The following CCDC25 variants were observed in gnomAD, a reference collection of about 807,000 sequenced individuals.
The protein encoded by CCDC25 is coiled-coil domain-containing protein 25.
In CCDC25, 16 loss-of-function variants were observed where a neutral mutation model predicts 35.3. The ratio of observed to expected loss-of-function variants is 0.45; its 90% CI spans 0.31 to 0.69. The LOEUF (loss-of-function observed/expected upper bound fraction) is 0.69. Ranked by LOEUF, CCDC25 falls within the 30% of genes least tolerant of loss-of-function variation. CCDC25 has a pLI of 0.06. For missense variants in CCDC25, 179 were observed against 250.7 expected, an observed-to-expected ratio of 0.71 and a Z score of 1.93; for synonymous variants, 79 against 80.3, an observed-to-expected ratio of 0.98 and a Z score of 0.09.
At chr8:27,771,639 C>A (rs1213782271) in intron 1 of CCDC25, among the ~76,000 whole-genome samples, 1 of 152,042 alleles carries the variant, frequency 6.6e-6, no homozygotes, top group African/African-American at 2.4e-5. Context: ...CTGTCCACGC[C>A]CTCAAGGGAC....
At chr8:27,755,348 C>G (rs1803962124) in intron 4 of CCDC25, among the ~76,000 whole-genome samples, 1 of 152,192 alleles carries the variant, frequency 6.6e-6, no homozygotes, top group African/African-American at 2.4e-5. Flanking sequence ...GAAGCTGCAA[C>G]AATATCAGAG....
intron 3 of CCDC25, 117 bp downstream of exon 3, chr8:27,762,302 T>C: frequency 1.2e-6 from 1 of 833,960 alleles, no homozygotes. Flanking sequence ...CAGTCAGCTG[T>C]TTAACCCTGA....
intron 5 of CCDC25, among the ~76,000 whole-genome samples, chr8:27,751,950 C>A (rs756325474): frequency 2.6e-5 from 4 of 152,080 alleles, no homozygotes; most frequent in Non-Finnish European, 5.9e-5. Context: ...TGGGAATCAC[C>A]CCAGACAAAC....
At position 27,748,098 on chromosome 8, in the gene CCDC25, T is replaced by G; in HGVS notation, c.530A>C (p.Lys177Thr). The change falls in exon 7 of 9, where the codon AAG becomes ACG. Residue 177 changes from lysine (K) to threonine (T), a missense_variant. Lys to Thr is a moderately conservative substitution (Grantham distance 78). Coordinates refer to ENST00000356537, the MANE Select transcript of CCDC25 (RefSeq NM_018246.3). ...ATACCTAAGTTCATCCATTTCCCTC[T>G]TCTTCTTCATTTCTTCTTTTTCTCT... Reference protein sequence around the residue: ...KKREKEEMKKKREMDELRSYS... With the variant: ...KKREKEEMKKTREMDELRSYS... 1 of 1,612,026 alleles carries G rather than the reference T, an allele frequency of 6.2e-7. No individual in the cohort carries two copies. The highest frequency in any genetic ancestry group is 8.5e-7 in the Non-Finnish European group (1 of 1,179,722).
At chr8:27,768,672 A>AATT (rs1199906064) in intron 1 of CCDC25, among the ~76,000 whole-genome samples, 1 of 152,196 alleles carries the variant, frequency 6.6e-6, no homozygotes, top group Non-Finnish European at 1.5e-5. Flanking sequence ...AAGTAAACTG[A>AATT]ATTATTCTAG....
At chr8:27,752,397 C>T (rs1172125952) in intron 5 of CCDC25, 115 bp downstream of exon 5, 1 of 765,692 alleles carries the variant, frequency 1.3e-6, no homozygotes, top group African/African-American at 1.8e-5. Flanking sequence ...AAAGGCACAG[C>T]ACATGTTATT....
At chr8:27,763,675 G>A (rs1448321230) in intron 2 of CCDC25, among the ~76,000 whole-genome samples, 4 of 152,230 alleles carry the variant, frequency 2.6e-5, no homozygotes, top group African/African-American at 7.2e-5. Context: ...CTGAAATCAC[G>A]CCACTGCACT....
chr8:27,750,677 T>C (rs1563449474), intron 5 of CCDC25, among the ~76,000 whole-genome samples: 1 of 152,138 alleles, frequency 6.6e-6, no homozygotes, highest in Non-Finnish European at 1.5e-5. Context: ...GCTTAAATGC[T>C]GGTTTCAGAA....
chr8:27,748,445 C>T (rs747145585), intron 6 of CCDC25, 50 bp downstream of exon 6: 4 of 1,418,552 alleles, frequency 2.8e-6, no homozygotes, highest in Non-Finnish European at 3.0e-6. Context: ...AGATAGGATA[C>T]TCCATTCAGT....
At position 27,741,454 on chromosome 8, in the gene CCDC25, G is replaced by A. The variant is rs1358533976; in HGVS notation, c.552-937C>T. Among the ~76,000 whole-genome samples, 4 of 152,340 alleles carry A rather than the reference G, an allele frequency of 2.6e-5. No homozygotes were observed. The East Asian group carries it at 5.8e-4, about 22-fold the overall frequency. ...CCAGCACTGTGGGAGGCCAACGCGG[G>A]CAGATCACAAAGTCAGGGGTTCGAG... is the stretch of plus-strand genomic sequence containing the variant. On this transcript the variant is annotated intron_variant, in intron 7 of 8. Transcript: ENST00000356537.
At chr8:27,765,282 G>T in intron 1 of CCDC25, 31 bp from the exon 2 acceptor site, 1 of 1,410,684 alleles carries the variant, frequency 7.1e-7, no homozygotes. Flanking sequence ...AAAACAATTA[G>T]TAACTTCATC....
chr8:27,762,039 C>T lies in CCDC25; in HGVS notation c.116+380G>A, dbSNP rs1585370806. Among the ~76,000 whole-genome samples, 2 of 152,116 alleles carry T rather than the reference C, an allele frequency of 1.3e-5. 1 individual carries two copies. Among genetic ancestry groups the T allele is most frequent in the South Asian group, 4.1e-4 (2 of 4,826 alleles). On this transcript the variant is annotated intron_variant, in intron 3 of 8. Coordinates refer to ENST00000356537, the MANE Select transcript of CCDC25 (RefSeq NM_018246.3). ...TCCTTTAAAGCTGGACCAGTAAGAA[C>T]CTCCGTCTATTCCATCCGCATGGAT... is the stretch of plus-strand genomic sequence containing the variant.
chr8:27,762,318 C>G, intron 3 of CCDC25, 101 bp downstream of exon 3: 1 of 996,632 alleles, frequency 1.0e-6, no homozygotes, highest in Non-Finnish European at 1.6e-6. Flanking sequence ...CCTGAAGACC[C>G]ATAAACCACA....
chr8:27,771,717 G>T (rs1804625342), intron 1 of CCDC25, among the ~76,000 whole-genome samples: 1 of 152,190 alleles, frequency 6.6e-6, no homozygotes, highest in Non-Finnish European at 1.5e-5. Context: ...GGCATACTTG[G>T]AACGTTAAGT....
At chr8:27,750,042 C>T (rs1185319627) in intron 5 of CCDC25, among the ~76,000 whole-genome samples, 1 of 152,182 alleles carries the variant, frequency 6.6e-6, no homozygotes, top group Non-Finnish European at 1.5e-5. Flanking sequence ...ATGTGCAAGG[C>T]ACTGTGGGGG....
intron 5 of CCDC25, 46 bp from the exon 6 acceptor site, chr8:27,748,644 G>A (rs748422590): frequency 1.4e-6 from 2 of 1,401,898 alleles, no homozygotes; most frequent in Non-Finnish European, 1.0e-6. Context: ...ATGAGACTGA[G>A]CAATGTGTTC....
intron 7 of CCDC25, among the ~76,000 whole-genome samples, chr8:27,745,240 T>C (rs1333349172): frequency 1.3e-5 from 2 of 152,110 alleles, no homozygotes; most frequent in African/African-American, 4.8e-5. Flanking sequence ...AAGCAATCCT[T>C]CTGCCTCAGC....
At chr8:27,740,407 C>G in intron 8 of CCDC25, 65 bp downstream of exon 8, 2 of 1,499,176 alleles carry the variant, frequency 1.3e-6, no homozygotes. Flanking sequence ...GCCAGTAACA[C>G]AATTATTAAA....
Position 27,735,081 on chromosome 8 carries a change from T to C in CCDC25, c.*1135A>G, listed in dbSNP as rs1357516776. On this transcript the variant is annotated 3_prime_UTR_variant, in exon 9 of 9. Coordinates refer to ENST00000356537, the MANE Select transcript of CCDC25 (RefSeq NM_018246.3). ...AGATTAAAAAAATGGTATTTTATTA[T>C]AACTTTTAAAATTGCGGAACATCAG... The C allele has an allele frequency of 5.9e-5, 9 of 152,598 alleles. No individual in the cohort carries two copies. The highest frequency in any genetic ancestry group is 1.9e-4 in the African/African-American group (8 of 41,436). The allele number at this position is 152,598 out of a possible 1,614,324, so 9.5% of individuals were successfully genotyped here.
Sources: allele counts gnomAD v4.1 joint callset (sites outside exome capture counted in the v4.1 genomes callset), GRCh38; gene constraint gnomAD v4.1.1; transcripts MANE v1.5; gene names NCBI Gene and HGNC (gene_info 2026-07-23, HGNC 2026-07-21).